Variants in PTPRR observed in about 807,000 individuals in gnomAD.
The protein encoded by PTPRR is protein tyrosine phosphatase receptor type R, also known as receptor-type tyrosine-protein phosphatase R.
Under a neutral mutation model 77.2 loss-of-function variants are expected in PTPRR, and 38 were observed. That is an observed-to-expected ratio of 0.49 (90% CI 0.38 to 0.65). The LOEUF (loss-of-function observed/expected upper bound fraction) is 0.65, where lower values mean the gene tolerates loss of function less well. PTPRR is among the 30% of genes least tolerant of loss of function. The pLI is 0.00. For missense variants in PTPRR, 744 were observed against 799.2 expected (o/e 0.93, Z 0.83); for synonymous variants, 299 against 283.1 (o/e 1.06, Z -0.57).
intron 13 of PTPRR, among the ~76,000 whole-genome samples, chr12:70,655,062 C>T (rs75887541): frequency 0.031 from 4,720 of 152,330 alleles, 98 homozygotes; most frequent in Non-Finnish European, 0.046. Flanking sequence ...CTAACTCAAT[C>T]GTCCATTTAC....
At chr12:70,714,371 G>A (rs1269719757) in intron 6 of PTPRR, among the ~76,000 whole-genome samples, 3 of 151,980 alleles carry the variant, frequency 2.0e-5, no homozygotes, top group Non-Finnish European at 4.4e-5. Flanking sequence ...TGATTTTCTG[G>A]CTCTGCTTCT....
At chr12:70,874,408 A>C (rs1241962195) in intron 2 of PTPRR, among the ~76,000 whole-genome samples, 1 of 152,218 alleles carries the variant, frequency 6.6e-6, no homozygotes, top group African/African-American at 2.4e-5. Context: ...GATGCAGTAA[A>C]GAATGATGAA....
At chr12:70,894,177 G>T (rs1053660113) in intron 1 of PTPRR, among the ~76,000 whole-genome samples, 6 of 151,738 alleles carry the variant, frequency 4.0e-5, no homozygotes, top group Non-Finnish European at 5.9e-5. Context: ...CTTTTTACAA[G>T]AATTCTTCTC....
intron 12 of PTPRR, among the ~76,000 whole-genome samples, chr12:70,658,883 GTTTTTTTTTT>G (rs746595856): frequency 1.9e-4 from 7 of 36,924 alleles, no homozygotes; most frequent in South Asian, 1.2e-3. Flanking sequence ...TTTTGCTCTA[GTTTTTTTTTT>G]TTTTTTTTTT....
intron 8 of PTPRR, 143 bp from the exon 9 acceptor site, chr12:70,684,926 T>G: frequency 1.8e-6 from 1 of 545,308 alleles, no homozygotes; most frequent in Non-Finnish European, 3.2e-6. Context: ...GTCCATTGCT[T>G]GATCCATATG....
At chr12:70,890,052 T>C (rs1417768313) in intron 2 of PTPRR, among the ~76,000 whole-genome samples, 3 of 152,144 alleles carry the variant, frequency 2.0e-5, no homozygotes, top group Non-Finnish European at 4.4e-5. Context: ...GGTTCCCTCC[T>C]TCCTGGTGTT....
chr12:70,891,875 CA>C (rs2137116426), intron 2 of PTPRR, among the ~76,000 whole-genome samples: 1 of 152,148 alleles, frequency 6.6e-6, no homozygotes, highest in East Asian at 1.9e-4. Context: ...CCACACAAAT[CA>C]ACTCATTTGA....
At chr12:70,829,087 T>A (rs547484713) in intron 2 of PTPRR, among the ~76,000 whole-genome samples, 1 of 152,074 alleles carries the variant, frequency 6.6e-6, no homozygotes, top group African/African-American at 2.4e-5. Flanking sequence ...TATGGACACA[T>A]GAAACATCAG....
At chr12:70,828,287 C>G (rs901105896) in intron 2 of PTPRR, among the ~76,000 whole-genome samples, 4 of 152,202 alleles carry the variant, frequency 2.6e-5, no homozygotes, top group African/African-American at 9.7e-5. Flanking sequence ...TGATCTGCTC[C>G]TTTGTCCTTT....
intron 2 of PTPRR, among the ~76,000 whole-genome samples, chr12:70,877,601 A>T (rs568416770): frequency 1.3e-5 from 2 of 152,310 alleles, no homozygotes; most frequent in African/African-American, 4.8e-5. Flanking sequence ...ATAAAAGAGG[A>T]TACAAACAAA....
intron 2 of PTPRR, among the ~76,000 whole-genome samples, chr12:70,785,649 A>G (rs1271702790): frequency 1.3e-5 from 2 of 152,160 alleles, no homozygotes; most frequent in African/African-American, 2.4e-5. Context: ...TGATAGTATC[A>G]TTTCTATGCT....
chr12:70,723,483 C>T (rs1376723195), intron 6 of PTPRR, among the ~76,000 whole-genome samples: 1 of 152,028 alleles, frequency 6.6e-6, no homozygotes, highest in African/African-American at 2.4e-5. Flanking sequence ...TCAATATTTT[C>T]TCATTTTTCC....
intron 10 of PTPRR, among the ~76,000 whole-genome samples, chr12:70,674,787 T>A (rs1566060195): frequency 6.6e-6 from 1 of 152,146 alleles, no homozygotes; most frequent in Non-Finnish European, 1.5e-5. Flanking sequence ...TTTCTATATT[T>A]TTATTTTTTG....
chr12:70,899,970 CAT>C (rs1348445996), intron 1 of PTPRR, among the ~76,000 whole-genome samples: 5 of 151,406 alleles, frequency 3.3e-5, no homozygotes, highest in Middle Eastern at 6.8e-3. Flanking sequence ...TCTAACAGAA[CAT>C]GTGCAAGATA....
intron 5 of PTPRR, among the ~76,000 whole-genome samples, chr12:70,749,299 T>C (rs1459199387): frequency 6.6e-6 from 1 of 152,170 alleles, no homozygotes; most frequent in East Asian, 1.9e-4. Context: ...CACCCCCATA[T>C]CCACCCATTG....
intron 2 of PTPRR, among the ~76,000 whole-genome samples, chr12:70,784,673 T>G (rs1891285464): frequency 6.6e-6 from 1 of 152,198 alleles, no homozygotes; most frequent in African/African-American, 2.4e-5. Context: ...CAGCTAGAAG[T>G]GGCAGATAAA....
At chr12:70,792,030 C>T (rs907070128) in intron 2 of PTPRR, among the ~76,000 whole-genome samples, 4 of 152,210 alleles carry the variant, frequency 2.6e-5, no homozygotes, top group Non-Finnish European at 5.9e-5. Context: ...AGGTATAGCA[C>T]ACCAGTTAAG....
chr12:70,850,940 T>A (rs929990296), intron 2 of PTPRR, among the ~76,000 whole-genome samples: 4 of 152,198 alleles, frequency 2.6e-5, no homozygotes, highest in African/African-American at 9.6e-5. Context: ...TCTCCTGTTT[T>A]TTTTTCCTCA....
At chr12:70,771,987 A>G (rs1315865916) in intron 2 of PTPRR, among the ~76,000 whole-genome samples, 1 of 152,174 alleles carries the variant, frequency 6.6e-6, no homozygotes, top group South Asian at 2.1e-4. Flanking sequence ...TAAATATTAA[A>G]GAATTCCTAA....
Sources: allele counts gnomAD v4.1 joint callset (sites outside exome capture counted in the v4.1 genomes callset), GRCh38; gene constraint gnomAD v4.1.1; transcripts MANE v1.5; gene names NCBI Gene and HGNC (gene_info 2026-07-23, HGNC 2026-07-21).